Variants in PTPRD observed in about 807,000 individuals in gnomAD.
PTPRD encodes the protein protein tyrosine phosphatase receptor type D.
A neutral mutation model predicts 214.5 loss-of-function variants in PTPRD; 34 were observed. The observed-to-expected ratio is 0.16, with a 90% CI of 0.12 to 0.21. The LOEUF is 0.21. Ranked by LOEUF, PTPRD falls within the 10% of genes least tolerant of loss-of-function variation. The pLI, the probability that PTPRD is intolerant of heterozygous loss-of-function variation, is 1.00. For synonymous variants in PTPRD, 1,128 were observed against 845.7 expected, an observed-to-expected ratio of 1.33 and a Z score of -5.79; for missense variants, 2,545 against 2,398.7, an observed-to-expected ratio of 1.06 and a Z score of -1.27.
chr9:10,364,313 G>A (rs978907415), intron 2 of PTPRD, among the ~76,000 whole-genome samples: 16 of 151,762 alleles, frequency 1.1e-4, no homozygotes, highest in South Asian at 2.1e-4. Context: ...TTACCTCCAC[G>A]TTTTAGGTGA....
At chr9:9,289,209 A>T (rs1950404704) in intron 9 of PTPRD, among the ~76,000 whole-genome samples, 1 of 151,824 alleles carries the variant, frequency 6.6e-6, no homozygotes, top group South Asian at 2.1e-4. Flanking sequence ...AACTAACACC[A>T]TCCTTCAAAA....
intron 11 of PTPRD, among the ~76,000 whole-genome samples, chr9:8,848,294 T>C (rs926187501): frequency 6.7e-6 from 1 of 148,772 alleles, no homozygotes; most frequent in Non-Finnish European, 1.5e-5. Context: ...AACGTACTTA[T>C]TAATGCTTAA....
chr9:10,119,504 C>T (rs2382105), intron 3 of PTPRD, among the ~76,000 whole-genome samples: 30,228 of 151,598 alleles, frequency 0.2, 3,172 homozygotes, highest in South Asian at 0.34. Context: ...AATGTAATAT[C>T]GAATGTGTAA....
At chr9:9,448,011 C>G (rs1476593022) in intron 8 of PTPRD, among the ~76,000 whole-genome samples, 1 of 151,950 alleles carries the variant, frequency 6.6e-6, no homozygotes, top group East Asian at 1.9e-4. Context: ...TTGAACGGTT[C>G]TGAAAAGAGG....
chr9:8,753,910 TGAG>T lies in PTPRD; in HGVS notation c.-103-19967_-103-19965del, dbSNP rs891165292. Among the ~76,000 whole-genome samples, 19 of 152,214 alleles carry T rather than the reference TGAG, an allele frequency of 1.2e-4. No individual in the cohort carries two copies. In the East Asian group the frequency reaches 2.1e-3, roughly 17 times the overall value. On this transcript the variant is annotated intron_variant, in intron 11 of 45. Transcript: ENST00000381196. ...CTGTAATCCCAGCACTTTAGGAGGC[TGAG>T]GAGGTTGGATCACCTGAGGTCAGGA...
chr9:8,394,540 G>T (rs1278241397), intron 36 of PTPRD, among the ~76,000 whole-genome samples: 1 of 152,138 alleles, frequency 6.6e-6, no homozygotes, highest in Non-Finnish European at 1.5e-5. Flanking sequence ...TTTACTCTGT[G>T]ATCTTTGGCC....
chr9:9,750,370 C>T (rs529912043), intron 6 of PTPRD, among the ~76,000 whole-genome samples: 19 of 152,070 alleles, frequency 1.2e-4, no homozygotes, highest in Non-Finnish European at 2.6e-4. Context: ...TAATCTATAG[C>T]ACCATTACAG....
intron 11 of PTPRD, among the ~76,000 whole-genome samples, chr9:8,775,297 G>A (rs775386064): frequency 2.0e-5 from 3 of 151,976 alleles, no homozygotes; most frequent in Non-Finnish European, 2.9e-5. Flanking sequence ...AAAGACCTGG[G>A]GCAACATTTA....
chr9:10,352,046 A>C (rs2097192683), intron 2 of PTPRD, among the ~76,000 whole-genome samples: 1 of 152,042 alleles, frequency 6.6e-6, no homozygotes, highest in Non-Finnish European at 1.5e-5. Flanking sequence ...AGTGGTGGAA[A>C]GAGAACTGAA....
intron 11 of PTPRD, among the ~76,000 whole-genome samples, chr9:8,952,668 G>C (rs2099109132): frequency 6.6e-6 from 1 of 151,826 alleles, no homozygotes; most frequent in Non-Finnish European, 1.5e-5. Flanking sequence ...GCAGGGGGCA[G>C]AGGTATCTTT....
Position 8,628,330 on chromosome 9 carries a change from TG to T in PTPRD, c.352+4986del, listed in dbSNP as rs539919872. 2.6e-4 allele frequency among the ~76,000 whole-genome samples: 40 copies of T among 151,996 alleles called. No homozygotes were observed. In the South Asian group the frequency reaches 3.5e-3, roughly 13 times the overall value. On this transcript the variant is annotated intron_variant, in intron 14 of 45. Transcript: ENST00000381196. ...CTTCTCCCTGAAAGATTGTAAAAGT[TG>T]TATGTTTTTTTTCCTAACAACTGCC...
intron 3 of PTPRD, among the ~76,000 whole-genome samples, chr9:10,036,576 T>A (rs950604025): frequency 2.0e-5 from 3 of 150,376 alleles, no homozygotes; most frequent in African/African-American, 7.3e-5. Context: ...ACATTTTTTT[T>A]TATTTTATTT....
chr9:8,429,126 C>T (rs963111717), intron 35 of PTPRD, among the ~76,000 whole-genome samples: 1 of 152,152 alleles, frequency 6.6e-6, no homozygotes, highest in Non-Finnish European at 1.5e-5. Flanking sequence ...ATGACATTTT[C>T]ACAGAAATTT....
chr9:8,769,557 A>G (rs16928415), intron 11 of PTPRD, among the ~76,000 whole-genome samples: 7,019 of 152,194 alleles, frequency 0.046, 406 homozygotes, highest in African/African-American at 0.13. Flanking sequence ...CAAAAACTTA[A>G]TGTGATAAAT....
chr9:9,863,920 G>A (rs2063351358), intron 5 of PTPRD, among the ~76,000 whole-genome samples: 1 of 151,678 alleles, frequency 6.6e-6, no homozygotes, highest in African/African-American at 2.4e-5. Context: ...TCTGAATTTT[G>A]CAGTTATGTG....
intron 10 of PTPRD, among the ~76,000 whole-genome samples, chr9:9,075,292 T>C (rs1484728416): frequency 1.3e-5 from 2 of 152,152 alleles, no homozygotes; most frequent in Non-Finnish European, 2.9e-5. Flanking sequence ...CCTTTCCTTT[T>C]GTTACAAACA....
At chr9:10,067,633 C>A (rs1239329370) in intron 3 of PTPRD, among the ~76,000 whole-genome samples, 2 of 151,706 alleles carry the variant, frequency 1.3e-5, no homozygotes, top group African/African-American at 2.4e-5. Flanking sequence ...ATTATACTTA[C>A]GAAGGATTAC....
At chr9:10,225,162 A>T (rs1371956684) in intron 3 of PTPRD, among the ~76,000 whole-genome samples, 1 of 152,024 alleles carries the variant, frequency 6.6e-6, no homozygotes, top group Non-Finnish European at 1.5e-5. Context: ...TATTTTTATT[A>T]TCAAAAGAGA....
intron 12 of PTPRD, chr9:8,713,498 A>G (rs978820128): frequency 5.2e-6 from 6 of 1,145,462 alleles, no homozygotes; most frequent in African/African-American, 3.0e-5. Context: ...GAGACTGTCT[A>G]CTGTGGTCAG....
Sources: gnomAD v4.1 joint callset for allele counts (sites outside exome capture counted in the v4.1 genomes callset) on GRCh38, gnomAD v4.1.1 for gene constraint, MANE v1.5 for transcripts, NCBI Gene and HGNC (gene_info 2026-07-23, HGNC 2026-07-21) for gene names.